The following TMEM270 variants were observed in gnomAD, a reference collection of about 807,000 sequenced individuals.
The protein encoded by TMEM270 is transmembrane protein 270.
Under a neutral mutation model 29.9 loss-of-function variants are expected in TMEM270, and 30 were observed. The ratio of observed to expected loss-of-function variants is 1.00; its 90% confidence interval spans 0.75 to 1.36. The LOEUF is 1.36. Ranked by LOEUF, TMEM270 falls within the 40% of genes most tolerant of loss-of-function variation. The pLI is 0.00. For missense variants in TMEM270, 313 were observed against 307.1 expected (o/e 1.02, Z -0.14); for synonymous variants, 135 against 139.8 (o/e 0.97, Z 0.24).
Position 73,861,175 on chromosome 7 carries a change from G to A in TMEM270, c.-20G>A, listed in dbSNP as rs782681482. On this transcript the variant is annotated 5_prime_UTR_variant, in exon 1 of 3. Coordinates refer to ENST00000320531, the MANE Select transcript of TMEM270 (RefSeq NM_182504.4). ...GGTCACCCTGCTTCTCCCAGCTGGA[G>A]TAGGTGGGGGAGGCCAGACATGGAG... The A allele has an allele frequency of 3.1e-6, 5 of 1,613,468 alleles. No homozygotes were observed. In the Admixed American group the frequency reaches 8.3e-5, roughly 27 times the overall value.
In TMEM270 at chr7:73,865,410, C is replaced by T; in HGVS notation, c.490C>T (p.Gln164Ter). The T allele has an allele frequency of 6.2e-7, 1 of 1,610,082 alleles. No individual in the cohort carries two copies. The highest frequency in any genetic ancestry group is 8.5e-7 in the Non-Finnish European group (1 of 1,177,756). Residue 164 changes from glutamine (Q) to a stop codon, truncating the protein, a stop_gained, in exon 2 of 3, where the codon CAG becomes TAG. Transcript: ENST00000320531. LOFTEE classifies it high-confidence loss of function. ...GTCCCACTGCTTCCGACTGGGCAGG[C>T]AGCTCAGTAAGGTGGGTGGTCTCGG... Reference protein sequence around the residue: ...QKSHCFRLGRQLSKALQVNCV... With the variant: ...QKSHCFRLGR
intron 1 of TMEM270, among the ~76,000 whole-genome samples, chr7:73,863,782 C>T (rs936861276): frequency 1.3e-4 from 20 of 152,278 alleles, no homozygotes; most frequent in African/African-American, 4.6e-4. Context: ...TCTCTCACGC[C>T]TCCCTGCCCC....
At chr7:73,861,801 A>G (rs909974243) in intron 1 of TMEM270, among the ~76,000 whole-genome samples, 2 of 141,188 alleles carry the variant, frequency 1.4e-5, no homozygotes, top group Non-Finnish European at 3.1e-5. Flanking sequence ...TTTCCCATTC[A>G]TTTTTTCTTT....
At position 73,865,323 on chromosome 7, in the gene TMEM270, C is replaced by T. The variant is rs782429770; in HGVS notation, c.403C>T (p.Leu135=). The stretch of plus-strand genomic sequence containing the variant: ...CTGGACAGATCTGTTTTTGTCATGT[C>T]TGCACGGCCTGATGTTGGTGGCCTT... ...AIWTDLFLSC[L]HGLMLVALLL... Residue 135 remains leucine (L), a synonymous_variant, in exon 2 of 3, where the codon CTG becomes TTG. Coordinates refer to ENST00000320531, the MANE Select transcript of TMEM270 (RefSeq NM_182504.4). The T allele has an allele frequency of 1.9e-6, 3 of 1,613,408 alleles. No homozygotes were observed. The highest frequency in any genetic ancestry group is 2.7e-5 in the African/African-American group (2 of 74,908).
upstream of TMEM270, chr7:73,861,098 GC>G: frequency 8.0e-7 from 1 of 1,244,458 alleles, no homozygotes; most frequent in Non-Finnish European, 1.2e-6. Context: ...TGGGTCACTG[GC>G]GGCAACCGGG....
intron 1 of TMEM270, among the ~76,000 whole-genome samples, chr7:73,861,901 C>T (rs1788795058): frequency 6.6e-6 from 1 of 151,482 alleles, no homozygotes; most frequent in South Asian, 2.1e-4. Context: ...TGGGTTCAAG[C>T]AGTTCTTCTG....
upstream of TMEM270, chr7:73,861,100 G>A (rs1178285787): frequency 2.4e-5 from 31 of 1,277,802 alleles, no homozygotes; most frequent in East Asian, 1.4e-4. Context: ...GGTCACTGGC[G>A]GCAACCGGGT....
At chr7:73,863,208 G>A (rs150584627) in intron 1 of TMEM270, among the ~76,000 whole-genome samples, 3 of 152,178 alleles carry the variant, frequency 2.0e-5, no homozygotes, top group East Asian at 3.9e-4. Flanking sequence ...CTGTGGACAC[G>A]GGGATGGGGG....
intron 1 of TMEM270, 28 bp downstream of exon 1, chr7:73,861,294 T>TTAGGGGGGGG: frequency 1.1e-6 from 1 of 878,590 alleles, no homozygotes; most frequent in Non-Finnish European, 1.8e-6. Flanking sequence ...GTAAGTGGGG[T>TTAGGGGGGGG]GGGGACCACA....
At position 73,865,136 on chromosome 7, in the gene TMEM270, C is replaced by G; in HGVS notation, c.216C>G (p.Pro72=). 1 of 1,607,464 alleles carries G rather than the reference C, an allele frequency of 6.2e-7. No homozygotes were observed. The highest frequency in any genetic ancestry group is 1.1e-5 in the South Asian group (1 of 90,654). ...TACCCCTGGGAGCTGCAGCCTGCCC[C>G]CTGGGCCAGGCTCTCTGGGCTGGGC... ...AHLPLGAAAC[P]LGQALWAGLA... Residue 72 remains proline (P), a synonymous_variant, in exon 2 of 3, where the codon CCC becomes CCG. Coordinates refer to ENST00000320531, the MANE Select transcript of TMEM270 (RefSeq NM_182504.4).
intron 1 of TMEM270, among the ~76,000 whole-genome samples, chr7:73,863,960 C>A (rs1483231913): frequency 6.6e-6 from 1 of 151,852 alleles, no homozygotes; most frequent in Non-Finnish European, 1.5e-5. Context: ...CTCCTTCAGT[C>A]TGGAGTATTG....
intron 1 of TMEM270, among the ~76,000 whole-genome samples, chr7:73,863,029 C>T (rs1025857501): frequency 5.9e-5 from 9 of 152,084 alleles, no homozygotes; most frequent in African/African-American, 2.2e-4. Context: ...GGTTTCCCTC[C>T]TCCCTGGTCT....
chr7:73,861,039 C>T (rs947510046), upstream of TMEM270: 4 of 715,950 alleles, frequency 5.6e-6, no homozygotes, highest in African/African-American at 6.9e-5. Context: ...CAGACGTGGA[C>T]TGAGGTTTCA....
chr7:73,864,986 T>G lies in TMEM270; in HGVS notation c.73-7T>G. On this transcript the variant is annotated splice_polypyrimidine_tract_variant and splice_region_variant and intron_variant, in intron 1 of 2. Transcript: ENST00000320531. ...GCTGACGGTTGTCTCTCTCTCTTCT[T>G]CTGCAGTTGGTTCAGAACCGAGATC... The G allele has an allele frequency of 6.8e-7, 1 of 1,476,368 alleles. No individual in the cohort carries two copies. The allele number at this position is 1,476,368 out of a possible 1,614,324, so 91.5% of individuals were successfully genotyped here.
intron 1 of TMEM270, among the ~76,000 whole-genome samples, chr7:73,862,054 C>T (rs557362112): frequency 1.3e-5 from 2 of 151,898 alleles, no homozygotes; most frequent in African/African-American, 4.8e-5. Context: ...GCCTCAGCTC[C>T]CCAAAGTGCT....
In TMEM270 at chr7:73,864,860, G is replaced by A. The variant is rs185790848; in HGVS notation, c.73-133G>A. 163 of 763,354 alleles carry A rather than the reference G, an allele frequency of 2.1e-4. No individual in the cohort carries two copies. The Middle Eastern group carries it at 4.9e-3, about 23-fold the overall frequency. The allele number at this position is 763,354 out of a possible 1,614,324, so 47.3% of individuals were successfully genotyped here. ...GGAGGTTGCAGTGAGCCGAGATAGC[G>A]CCATTGCATTCCAGCCTGGGCAACA... On this transcript the variant is annotated intron_variant, in intron 1 of 2. Transcript: ENST00000320531.
Position 73,865,126 on chromosome 7 carries a change from C to T in TMEM270, c.206C>T (p.Ala69Val). 2 of 1,602,074 alleles carry T rather than the reference C, an allele frequency of 1.2e-6. No homozygotes were observed. Reference protein sequence around the residue: ...NWQAHLPLGAAACPLGQALWA... With the variant: ...NWQAHLPLGAVACPLGQALWA... ...CAGGCCCACCTACCCCTGGGAGCTG[C>T]AGCCTGCCCCCTGGGCCAGGCTCTC... The change falls in exon 2 of 3, where the codon GCA becomes GTA. Residue 69 changes from alanine to valine, a missense_variant. Ala to Val is a moderately conservative substitution (Grantham distance 64). Coordinates refer to ENST00000320531, the MANE Select transcript of TMEM270 (RefSeq NM_182504.4).
chr7:73,865,269 T>G lies in TMEM270; in HGVS notation c.349T>G (p.Trp117Gly). 3 of 1,613,396 alleles carry G rather than the reference T, an allele frequency of 1.9e-6. No homozygotes were observed. Among genetic ancestry groups the G allele is most frequent in the Non-Finnish European group, 2.5e-6 (3 of 1,180,030 alleles). Residue 117 changes from tryptophan to glycine, a missense_variant, in exon 2 of 3, where the codon TGG becomes GGG. Transcript: ENST00000320531. ...KGLGLALLSA[W>G]EQLGLSVAIW... is the part of the protein sequence containing the mutation. ...CCTGGGCCTGGCCTTGCTCAGTGCCTGGGAGCAGCTGGGCCTGTCTGTGGC... is the reference window on the plus strand; with the variant it reads ...CCTGGGCCTGGCCTTGCTCAGTGCCGGGGAGCAGCTGGGCCTGTCTGTGGC...
Position 73,861,194 on chromosome 7 carries a change from C to G in TMEM270, c.-1C>G. ...GCTGGAGTAGGTGGGGGAGGCCAGA[C>G]ATGGAGGCCCTTCCTCCAGTCAGAT... is the stretch of plus-strand genomic sequence containing the variant. On this transcript the variant is annotated 5_prime_UTR_variant, in exon 1 of 3. Coordinates refer to ENST00000320531, the MANE Select transcript of TMEM270 (RefSeq NM_182504.4). 6.2e-7 allele frequency: 1 copy of G among 1,613,824 alleles called. No homozygotes were observed. Among genetic ancestry groups the G allele is most frequent in the Non-Finnish European group, 8.5e-7 (1 of 1,179,840 alleles).
Sources: gnomAD v4.1 joint callset for allele counts (sites outside exome capture counted in the v4.1 genomes callset) on GRCh38, gnomAD v4.1.1 for gene constraint, MANE v1.5 for transcripts, NCBI Gene and HGNC (gene_info 2026-07-23, HGNC 2026-07-21) for gene names.